SLC20A2: variants seen among roughly 807,000 people sequenced by gnomAD.
SLC20A2 encodes the protein sodium-dependent phosphate transporter 2.
Under a neutral mutation model 61.0 loss-of-function variants are expected in SLC20A2, and 30 were observed. That is an observed-to-expected ratio of 0.49 (90% CI 0.37 to 0.67). The LOEUF (loss-of-function observed/expected upper bound fraction) is 0.67, where lower values mean the gene tolerates loss of function less well. Ranked by LOEUF, SLC20A2 falls within the 30% of genes least tolerant of loss-of-function variation. The probability of loss-of-function intolerance (pLI) is 0.00; values close to 1 mark genes in which losing one functional copy is unlikely to be tolerated. For synonymous variants in SLC20A2, 351 were observed against 353.3 expected (o/e 0.99, Z 0.07); for missense variants, 626 against 866.4 (o/e 0.72, Z 3.48).
chr8:42,498,382 G>T (rs1477848005), intron 1 of SLC20A2, among the ~76,000 whole-genome samples: 1 of 152,174 alleles, frequency 6.6e-6, no homozygotes, highest in Admixed American at 6.5e-5. Flanking sequence ...AAAGCTCAGA[G>T]GAGCTGAATG....
chr8:42,477,987 G>A (rs1461788741), intron 1 of SLC20A2, among the ~76,000 whole-genome samples: 1 of 150,194 alleles, frequency 6.7e-6, no homozygotes, highest in Non-Finnish European at 1.5e-5. Flanking sequence ...CTGGGTTCAA[G>A]CCATTCTCCT....
Position 42,523,974 on chromosome 8 carries a change from G to A in SLC20A2, c.-265+17847C>T, listed in dbSNP as rs189156639. Among the ~76,000 whole-genome samples, 25 of 152,208 alleles carry A rather than the reference G, an allele frequency of 1.6e-4. No individual in the cohort carries two copies. In the South Asian group the frequency reaches 3.3e-3, roughly 20 times the overall value. Reference sequence around the variant, plus strand: ...AAGCAACAATATATAGTTAGAGATCGGCCATACAGTCATTATCAATCTTTC... The same window carrying A: ...AAGCAACAATATATAGTTAGAGATCAGCCATACAGTCATTATCAATCTTTC... On this transcript the variant is annotated intron_variant, in intron 1 of 10. Transcript: ENST00000342228.
intron 2 of SLC20A2, 131 bp from the exon 3 acceptor site, chr8:42,466,048 G>T (rs754907560): frequency 2.6e-5 from 22 of 838,494 alleles, no homozygotes; most frequent in Non-Finnish European, 3.7e-5. Context: ...TCTTTACAAA[G>T]CGCTACAGCC....
At chr8:42,454,187 A>G (rs576336484) in intron 5 of SLC20A2, among the ~76,000 whole-genome samples, 79 of 152,244 alleles carry the variant, frequency 5.2e-4, no homozygotes, top group African/African-American at 1.8e-3. Flanking sequence ...TATTTTCAGT[A>G]GAAACAGGGT....
chr8:42,510,540 A>G (rs544554423), intron 1 of SLC20A2, among the ~76,000 whole-genome samples: 1 of 152,334 alleles, frequency 6.6e-6, no homozygotes, highest in Non-Finnish European at 1.5e-5. Context: ...TGTGATTTCA[A>G]TCTATATTGT....
chr8:42,519,534 T>TA (rs1811519850), intron 1 of SLC20A2, among the ~76,000 whole-genome samples: 1 of 152,200 alleles, frequency 6.6e-6, no homozygotes, highest in South Asian at 2.1e-4. Flanking sequence ...GCTTTGTTTT[T>TA]AAAGCTACCT....
intron 1 of SLC20A2, among the ~76,000 whole-genome samples, chr8:42,485,972 G>A (rs1808972186): frequency 6.6e-6 from 1 of 151,806 alleles, no homozygotes. Context: ...AAAACTTGGG[G>A]CTAGAGAGAT....
In SLC20A2 at chr8:42,517,598, G is replaced by C. The variant is rs187105139; in HGVS notation, c.-265+24223C>G. On this transcript the variant is annotated intron_variant, in intron 1 of 10. Transcript: ENST00000342228. ...TTGCCATCAATACCATGTGGTTCAT[G>C]GACCTCCATGAAGCCCACCATGGTC... Among the ~76,000 whole-genome samples the C allele has an allele frequency of 1.2e-3, 187 of 152,212 alleles. 1 individual carries two copies. The highest frequency in any genetic ancestry group is 5.6e-3 in the South Asian group (27 of 4,822).
chr8:42,463,280 C>T, intron 3 of SLC20A2, 190 bp from the exon 4 acceptor site: 1 of 471,248 alleles, frequency 2.1e-6, no homozygotes, highest in Non-Finnish European at 3.7e-6. Context: ...TTTATGGCCA[C>T]ACTCAGACAT....
At chr8:42,448,134 A>G (rs1290015629) in intron 5 of SLC20A2, among the ~76,000 whole-genome samples, 1 of 152,162 alleles carries the variant, frequency 6.6e-6, no homozygotes, top group Non-Finnish European at 1.5e-5. Context: ...CAAACTAACA[A>G]CTGACGCCAA....
At chr8:42,452,406 G>A (rs1443423288) in intron 5 of SLC20A2, among the ~76,000 whole-genome samples, 3 of 148,716 alleles carry the variant, frequency 2.0e-5, no homozygotes, top group Non-Finnish European at 3.0e-5. Flanking sequence ...AGGAGGAGGA[G>A]GAAGAGATGA....
intron 10 of SLC20A2, 150 bp from the exon 11 acceptor site, chr8:42,418,117 A>T: frequency 1.7e-6 from 1 of 590,210 alleles, no homozygotes; most frequent in South Asian, 2.6e-5. Flanking sequence ...CTTAGATTTT[A>T]GGTAGAATTG....
At chr8:42,515,393 G>A (rs923068644) in intron 1 of SLC20A2, among the ~76,000 whole-genome samples, 1 of 152,138 alleles carries the variant, frequency 6.6e-6, no homozygotes, top group African/African-American at 2.4e-5. Flanking sequence ...AAGACATACA[G>A]ATGACAGTAT....
chr8:42,497,676 C>A (rs1311035961), intron 1 of SLC20A2, among the ~76,000 whole-genome samples: 5 of 151,968 alleles, frequency 3.3e-5, no homozygotes, highest in Admixed American at 2.6e-4. Flanking sequence ...AAGTTCCCTA[C>A]CCTCTTATCA....
At chr8:42,517,368 C>CAAA (rs34660785) in intron 1 of SLC20A2, among the ~76,000 whole-genome samples, 1,452 of 126,296 alleles carry the variant, frequency 0.011, 27 homozygotes, top group African/African-American at 0.038. Context: ...GATCCTGTCT[C>CAAA]AAAAAAAAAA....
At chr8:42,474,581 T>G (rs1807907531) in intron 1 of SLC20A2, among the ~76,000 whole-genome samples, 1 of 152,106 alleles carries the variant, frequency 6.6e-6, no homozygotes, top group African/African-American at 2.4e-5. Context: ...CTTTAAAAAT[T>G]GGGGGCCAGT....
chr8:42,518,613 T>C lies in SLC20A2; in HGVS notation c.-265+23208A>G, dbSNP rs575587139. On this transcript the variant is annotated intron_variant, in intron 1 of 10. Coordinates refer to the SLC20A2 transcript ENST00000342228. Reference sequence around the variant, plus strand: ...GACATTAACTCTTGTTTTTTATTCATCCGTGTATACTTTCACTTGTTACAA... The same window carrying C: ...GACATTAACTCTTGTTTTTTATTCACCCGTGTATACTTTCACTTGTTACAA... Among the ~76,000 whole-genome samples, 8 of 152,350 alleles carry C rather than the reference T, an allele frequency of 5.3e-5. No homozygotes were observed. In the South Asian group the frequency reaches 1.7e-3, roughly 32 times the overall value.
intron 5 of SLC20A2, among the ~76,000 whole-genome samples, chr8:42,447,345 C>CAA (rs566169144): frequency 8.7e-6 from 1 of 115,520 alleles, no homozygotes. Flanking sequence ...GATCCTGCCT[C>CAA]AAAAAAAAAA....
chr8:42,504,852 CAAAAAAAAAAAAAAAAAAA>C (rs771127709), upstream of SLC20A2, among the ~76,000 whole-genome samples: 17 of 16,494 alleles, frequency 1.0e-3, no homozygotes, highest in East Asian at 3.4e-3. Context: ...GACTCCGTCT[CAAAAAAAAAAAAAAAAAAA>C]AAAAAAAAAA....
Sources: gnomAD v4.1 joint callset for allele counts (sites outside exome capture counted in the v4.1 genomes callset) on GRCh38, gnomAD v4.1.1 for gene constraint, MANE v1.5 for transcripts, NCBI Gene and HGNC (gene_info 2026-07-23, HGNC 2026-07-21) for gene names.